Variants in IMMP2L observed in about 807,000 individuals in gnomAD.
The protein encoded by IMMP2L is inner mitochondrial membrane peptidase subunit 2, also known as mitochondrial inner membrane protease subunit 2.
IMMP2L carries 18 observed loss-of-function variants against 19.3 expected under a neutral mutation model. The ratio of observed to expected loss-of-function variants is 0.93; its 90% CI spans 0.64 to 1.38. The LOEUF (loss-of-function observed/expected upper bound fraction) is 1.38, where lower values mean the gene tolerates loss of function less well. Ranked by LOEUF, IMMP2L falls within the 40% of genes most tolerant of loss-of-function variation. IMMP2L has a pLI of 0.00. For missense variants in IMMP2L, 233 were observed against 218.2 expected (o/e 1.07, Z -0.43); for synonymous variants, 76 against 73.0 (o/e 1.04, Z -0.21).
At chr7:111,300,809 T>A (rs143048451) in intron 3 of IMMP2L, among the ~76,000 whole-genome samples, 1 of 152,246 alleles carries the variant, frequency 6.6e-6, no homozygotes, top group African/African-American at 2.4e-5. Context: ...GGATTCTAGG[T>A]ATATATGTGT....
intron 3 of IMMP2L, among the ~76,000 whole-genome samples, chr7:111,114,285 C>A (rs540635781): frequency 6.6e-6 from 1 of 152,216 alleles, no homozygotes; most frequent in Admixed American, 6.5e-5. Context: ...TTTTTATAGA[C>A]TACTTCTGAT....
At chr7:110,900,608 G>A (rs555347210) in intron 4 of IMMP2L, among the ~76,000 whole-genome samples, 2 of 152,174 alleles carry the variant, frequency 1.3e-5, no homozygotes, top group South Asian at 4.2e-4. Flanking sequence ...AATAAAATAC[G>A]AACTGCTTAC....
chr7:111,168,831 T>C (rs1399776707), intron 3 of IMMP2L, among the ~76,000 whole-genome samples: 2 of 151,882 alleles, frequency 1.3e-5, no homozygotes, highest in African/African-American at 4.8e-5. Context: ...TATTAGATCA[T>C]CTGTTACCAA....
chr7:110,921,740 T>TCC (rs1436065107), intron 4 of IMMP2L, among the ~76,000 whole-genome samples: 1 of 152,168 alleles, frequency 6.6e-6, no homozygotes, highest in Non-Finnish European at 1.5e-5. Context: ...CAAATGTGCT[T>TCC]AACTACCCAT....
intron 1 of IMMP2L, among the ~76,000 whole-genome samples, chr7:111,552,322 C>T (rs1179668049): frequency 1.3e-5 from 2 of 152,164 alleles, no homozygotes. Flanking sequence ...GAGTCTCACT[C>T]TGTCACCCAG....
rs13310342 is a variant in IMMP2L, at chr7:111,455,220, G to A, written c.239+32018C>T. 4.9e-3 allele frequency among the ~76,000 whole-genome samples: 724 copies of A among 147,800 alleles called. 8 individuals carry two copies. The highest frequency in any genetic ancestry group is 0.016 in the African/African-American group (658 of 40,764). On this transcript the variant is annotated intron_variant, in intron 3 of 5. Transcript: ENST00000405709. ...GCCTGTGGCTATTAACCAGTTTTGC[G>A]TCTGTTTCACATTCATTTCAGCATC...
intron 2 of IMMP2L, among the ~76,000 whole-genome samples, chr7:111,491,414 C>CA (rs941325509): frequency 4.6e-5 from 7 of 152,150 alleles, no homozygotes; most frequent in African/African-American, 1.7e-4. Context: ...TTGGTAAGAT[C>CA]ATTCATTTAA....
chr7:111,423,677 A>G (rs1038784162), intron 3 of IMMP2L, among the ~76,000 whole-genome samples: 1 of 151,770 alleles, frequency 6.6e-6, no homozygotes, highest in Non-Finnish European at 1.5e-5. Flanking sequence ...AGGGAAATTT[A>G]TAGCACTAAA....
At chr7:111,496,145 T>C (rs542284342) in intron 2 of IMMP2L, among the ~76,000 whole-genome samples, 2 of 152,302 alleles carry the variant, frequency 1.3e-5, no homozygotes, top group East Asian at 3.9e-4. Context: ...TTATTAGATG[T>C]CACACCTTTG....
At chr7:111,129,002 T>C (rs1223487971) in intron 3 of IMMP2L, among the ~76,000 whole-genome samples, 1 of 152,158 alleles carries the variant, frequency 6.6e-6, no homozygotes, top group Non-Finnish European at 1.5e-5. Context: ...ACTTACTCTA[T>C]CCACATTAAC....
intron 3 of IMMP2L, among the ~76,000 whole-genome samples, chr7:111,039,453 A>C (rs17158283): frequency 0.044 from 6,631 of 152,254 alleles, 493 homozygotes; most frequent in African/African-American, 0.15. Flanking sequence ...TTTAAGGAAG[A>C]TATGCTCAGA....
At chr7:110,832,039 G>A (rs528906864) in intron 5 of IMMP2L, among the ~76,000 whole-genome samples, 2 of 152,278 alleles carry the variant, frequency 1.3e-5, no homozygotes, top group Admixed American at 6.5e-5. Flanking sequence ...TGAGGTGTGC[G>A]GATCACGAGG....
intron 3 of IMMP2L, among the ~76,000 whole-genome samples, chr7:111,163,504 T>G (rs892038802): frequency 2.0e-5 from 3 of 152,156 alleles, no homozygotes; most frequent in African/African-American, 7.2e-5. Context: ...GATAATCCCC[T>G]AACTGTCAAT....
chr7:111,209,337 C>G (rs1329286148), intron 3 of IMMP2L, among the ~76,000 whole-genome samples: 1 of 142,240 alleles, frequency 7.0e-6, no homozygotes, highest in Non-Finnish European at 1.5e-5. Context: ...ACGGAGGTTG[C>G]AGTGAGCTGA....
At chr7:111,410,326 A>T (rs2131502134) in intron 3 of IMMP2L, among the ~76,000 whole-genome samples, 1 of 151,902 alleles carries the variant, frequency 6.6e-6, no homozygotes, top group South Asian at 2.1e-4. Flanking sequence ...TGAAATGAGC[A>T]GGCTGATCTG....
rs557402121 is a variant in IMMP2L, at chr7:110,740,479, A to G, written c.409-76758T>C. 9.2e-5 allele frequency among the ~76,000 whole-genome samples: 14 copies of G among 152,320 alleles called. No individual in the cohort carries two copies. The South Asian group carries it at 2.7e-3, about 29-fold the overall frequency. On this transcript the variant is annotated intron_variant, in intron 5 of 5. Coordinates refer to ENST00000405709, the MANE Select transcript of IMMP2L (RefSeq NM_032549.4). ...ACTAGAAAACCTAGAGGAGACAGAT[A>G]AATTCCTGGAAATATACAACCCTCC...
At chr7:110,983,842 T>C (rs568841119) in intron 3 of IMMP2L, among the ~76,000 whole-genome samples, 1 of 152,124 alleles carries the variant, frequency 6.6e-6, no homozygotes, top group South Asian at 2.1e-4. Context: ...GCTATTTATT[T>C]AGTCATTAAG....
At chr7:110,666,285 T>C (rs1791448091) in intron 5 of IMMP2L, among the ~76,000 whole-genome samples, 1 of 150,940 alleles carries the variant, frequency 6.6e-6, no homozygotes, top group Admixed American at 6.6e-5. Flanking sequence ...GTTTGTTTGT[T>C]TGCTTTTGAG....
chr7:110,681,447 C>T (rs1792712576), intron 5 of IMMP2L, among the ~76,000 whole-genome samples: 1 of 152,140 alleles, frequency 6.6e-6, no homozygotes, highest in African/African-American at 2.4e-5. Context: ...CCATGCCACT[C>T]TGTTTTGGAA....
Sources: gnomAD v4.1 joint callset for allele counts (sites outside exome capture counted in the v4.1 genomes callset) on GRCh38, gnomAD v4.1.1 for gene constraint, MANE v1.5 for transcripts, NCBI Gene and HGNC (gene_info 2026-07-23, HGNC 2026-07-21) for gene names.